The following DIP2B variants were observed in gnomAD, a reference collection of about 807,000 sequenced individuals.
DIP2B encodes the protein DIP2 acetate--CoA ligase B (putative), also known as disco-interacting protein 2 homolog B.
Under a neutral mutation model 198.0 loss-of-function variants are expected in DIP2B, and 76 were observed. That is an observed-to-expected ratio of 0.38 (90% confidence interval 0.32 to 0.46). The LOEUF (loss-of-function observed/expected upper bound fraction) is 0.46, where lower values mean the gene tolerates loss of function less well. Ranked by LOEUF, DIP2B falls within the 20% of genes least tolerant of loss-of-function variation. The probability of loss-of-function intolerance (pLI) is 0.99; values close to 1 mark genes in which losing one functional copy is unlikely to be tolerated. For synonymous variants in DIP2B, 701 were observed against 739.1 expected, an observed-to-expected ratio of 0.95 and a Z score of 0.84; for missense variants, 1,559 against 1,978.4, an observed-to-expected ratio of 0.79 and a Z score of 4.02.
intron 1 of DIP2B, among the ~76,000 whole-genome samples, chr12:50,594,504 C>T (rs1958861796): frequency 1.3e-5 from 2 of 152,124 alleles, no homozygotes; most frequent in Non-Finnish European, 2.9e-5. Flanking sequence ...GCTGATGTTT[C>T]GGTTCAGTTT....
At chr12:50,721,115 G>A (rs1302621673) in intron 25 of DIP2B, among the ~76,000 whole-genome samples, 158 bp from the exon 26 acceptor site, 1 of 152,170 alleles carries the variant, frequency 6.6e-6, no homozygotes. Flanking sequence ...AGCCCCACAC[G>A]TCTTTGATGC....
chr12:50,702,848 G>A (rs557271068), intron 19 of DIP2B, among the ~76,000 whole-genome samples: 106 of 151,256 alleles, frequency 7.0e-4, no homozygotes, highest in African/African-American at 1.2e-3. Context: ...CTCGGCAAAC[G>A]AAGGAAAAGA....
intron 1 of DIP2B, among the ~76,000 whole-genome samples, chr12:50,549,925 C>A (rs1391446317): frequency 6.6e-6 from 1 of 151,926 alleles, no homozygotes; most frequent in Non-Finnish European, 1.5e-5. Context: ...AAGTCCTATT[C>A]CAAATTTAAC....
At chr12:50,685,355 CAG>C (rs1939114712) in intron 10 of DIP2B, among the ~76,000 whole-genome samples, 3 of 152,132 alleles carry the variant, frequency 2.0e-5, no homozygotes, top group African/African-American at 7.2e-5. Context: ...CCTTTAAAAA[CAG>C]AAAAATAAAA....
At chr12:50,510,358 C>G (rs1260256242) in intron 1 of DIP2B, among the ~76,000 whole-genome samples, 1 of 152,122 alleles carries the variant, frequency 6.6e-6, no homozygotes, top group Non-Finnish European at 1.5e-5. Flanking sequence ...GTTTGACAGC[C>G]CCATGGCATT....
chr12:50,545,338 C>T (rs1443999720), intron 1 of DIP2B, among the ~76,000 whole-genome samples: 1 of 139,930 alleles, frequency 7.1e-6, no homozygotes, highest in Non-Finnish European at 1.5e-5. Context: ...ATCCCTCCCT[C>T]CCTCCCTCCT....
chr12:50,516,191 C>T (rs542933959), intron 1 of DIP2B, among the ~76,000 whole-genome samples: 12 of 151,486 alleles, frequency 7.9e-5, no homozygotes, highest in African/African-American at 2.9e-4. Flanking sequence ...CTTTCATGAC[C>T]TAATCACCTC....
rs577163338 is a variant in DIP2B at position 50,587,956 on chromosome 12, C to A, written c.101-38020C>A. ...AGCAAGGAAATTTCAAAAAAATTAT[C>A]TCGAGATAATTTGCTTTTATAAAAA... On this transcript the variant is annotated intron_variant, in intron 1 of 37. Transcript: ENST00000301180. Among the ~76,000 whole-genome samples the A allele has an allele frequency of 2.0e-5, 3 of 152,220 alleles. 1 individual carries two copies. The highest frequency in any genetic ancestry group is 2.0e-4 in the Admixed American group (3 of 15,278).
chr12:50,540,186 G>C (rs535195936), intron 1 of DIP2B, among the ~76,000 whole-genome samples: 13 of 135,208 alleles, frequency 9.6e-5, no homozygotes, highest in Admixed American at 2.5e-4. Context: ...TCGGCTCATT[G>C]CATCCTGCAC....
intron 1 of DIP2B, among the ~76,000 whole-genome samples, chr12:50,594,642 G>A (rs1011318441): frequency 6.6e-6 from 1 of 152,160 alleles, no homozygotes; most frequent in Non-Finnish European, 1.5e-5. Flanking sequence ...ATATAAGTGT[G>A]AAGCAGCTTA....
chr12:50,619,887 C>A (rs1235316564), intron 1 of DIP2B, among the ~76,000 whole-genome samples: 1 of 151,950 alleles, frequency 6.6e-6, no homozygotes, highest in East Asian at 1.9e-4. Context: ...AGACCCTTGT[C>A]TCTATAAAAA....
chr12:50,553,923 G>A (rs1000710418), intron 1 of DIP2B, among the ~76,000 whole-genome samples: 2 of 151,912 alleles, frequency 1.3e-5, no homozygotes, highest in African/African-American at 4.8e-5. Context: ...CAAAGTGTTG[G>A]GATTGCAGGT....
At chr12:50,561,205 A>G (rs907964122) in intron 1 of DIP2B, among the ~76,000 whole-genome samples, 6 of 152,104 alleles carry the variant, frequency 3.9e-5, no homozygotes, top group African/African-American at 9.7e-5. Flanking sequence ...TTTTATTTCT[A>G]TGGATCATTC....
At chr12:50,604,113 C>T (rs1292458953) in intron 1 of DIP2B, among the ~76,000 whole-genome samples, 1 of 144,362 alleles carries the variant, frequency 6.9e-6, no homozygotes, top group Admixed American at 7.5e-5. Context: ...GTGCTATATA[C>T]AGAATAAGCT....
chr12:50,716,110 TATTA>T (rs1939709772), intron 23 of DIP2B, among the ~76,000 whole-genome samples: 1 of 152,216 alleles, frequency 6.6e-6, no homozygotes, highest in Non-Finnish European at 1.5e-5. Context: ...AATATGCCTT[TATTA>T]ATTTTATAAT....
intron 1 of DIP2B, among the ~76,000 whole-genome samples, chr12:50,518,862 C>T (rs1958090060): frequency 6.6e-6 from 1 of 152,024 alleles, no homozygotes; most frequent in Non-Finnish European, 1.5e-5. Flanking sequence ...ACAAGCAATC[C>T]TCCAAGTAGC....
chr12:50,670,540 C>T (rs544365094), intron 4 of DIP2B, among the ~76,000 whole-genome samples: 1 of 152,166 alleles, frequency 6.6e-6, no homozygotes, highest in Non-Finnish European at 1.5e-5. Context: ...TTCAGCCTCC[C>T]AAGTAGCTGG....
chr12:50,508,492 C>T (rs1316852781), intron 1 of DIP2B, among the ~76,000 whole-genome samples: 1 of 152,152 alleles, frequency 6.6e-6, no homozygotes, highest in African/African-American at 2.4e-5. Context: ...CTAAACTTCA[C>T]TAGATAGAAT....
intron 2 of DIP2B, among the ~76,000 whole-genome samples, chr12:50,634,013 C>T (rs1405924174): frequency 6.6e-6 from 1 of 152,064 alleles, no homozygotes. Flanking sequence ...CAAAACGCTC[C>T]GACTTTGAGA....
Sources: gnomAD v4.1 joint callset for allele counts (sites outside exome capture counted in the v4.1 genomes callset) on GRCh38, gnomAD v4.1.1 for gene constraint, MANE v1.5 for transcripts, NCBI Gene and HGNC (gene_info 2026-07-23, HGNC 2026-07-21) for gene names.